TCF12: variants seen among roughly 807,000 people sequenced by gnomAD.
TCF12 encodes transcription factor 12, also known as DNA-binding protein HTF4.
A neutral mutation model predicts 86.0 loss-of-function variants in TCF12; 45 were observed. The observed-to-expected ratio is 0.52, with a 90% confidence interval of 0.41 to 0.67. The LOEUF is 0.67. Among genes scored for constraint, TCF12 ranks in the 30% least tolerant of loss-of-function variants. The pLI, the probability that TCF12 is intolerant of heterozygous loss-of-function variation, is 0.00. For missense variants in TCF12, 881 were observed against 859.9 expected (o/e 1.02, Z -0.31); for synonymous variants, 330 against 299.6 (o/e 1.10, Z -1.05).
intron 3 of TCF12, among the ~76,000 whole-genome samples, chr15:56,929,337 CTG>C (rs1247452458): frequency 1.3e-5 from 2 of 152,110 alleles, no homozygotes; most frequent in Admixed American, 6.5e-5. Context: ...AGAAAGAAAA[CTG>C]TTATTTTCAT....
chr15:57,035,867 G>A (rs1284428676), intron 3 of TCF12, among the ~76,000 whole-genome samples: 2 of 152,170 alleles, frequency 1.3e-5, no homozygotes, highest in African/African-American at 4.8e-5. Context: ...TGAGTGGCAA[G>A]CAAACAAACA....
At chr15:57,254,874 A>AAAGAAAG (rs71113092) in intron 16 of TCF12, among the ~76,000 whole-genome samples, 5 of 108,848 alleles carry the variant, frequency 4.6e-5, no homozygotes, top group Admixed American at 2.1e-4. Context: ...AAAAAAAAAA[A>AAAGAAAG]AAAGAAAGAA....
At chr15:57,098,330 G>A (rs2927189) in intron 5 of TCF12, among the ~76,000 whole-genome samples, 86,506 of 151,960 alleles carry the variant, frequency 0.57, 24,852 homozygotes, top group Admixed American at 0.61. Context: ...TTCATCTGCT[G>A]CCTTTTTCTA....
intron 5 of TCF12, among the ~76,000 whole-genome samples, chr15:57,165,769 C>T (rs1170118845): frequency 6.6e-6 from 1 of 152,072 alleles, no homozygotes; most frequent in East Asian, 1.9e-4. Flanking sequence ...ATCTCCTTAC[C>T]TCGTGATCCG....
At chr15:57,253,533 A>C in intron 16 of TCF12, 65 bp downstream of exon 16, 1 of 1,561,544 alleles carries the variant, frequency 6.4e-7, no homozygotes, top group Non-Finnish European at 8.8e-7. Context: ...GTCTTTAATG[A>C]AATCTTTGGG....
At chr15:56,957,394 T>C (rs2061545643) in intron 3 of TCF12, among the ~76,000 whole-genome samples, 1 of 152,160 alleles carries the variant, frequency 6.6e-6, no homozygotes, top group African/African-American at 2.4e-5. Flanking sequence ...CACAGCTCAC[T>C]TCATTTAAAA....
intron 3 of TCF12, among the ~76,000 whole-genome samples, chr15:57,055,109 C>T (rs1449730057): frequency 6.6e-6 from 1 of 151,472 alleles, no homozygotes; most frequent in African/African-American, 2.4e-5. Flanking sequence ...TAACATTATC[C>T]TTCAACCTGG....
At position 57,199,583 on chromosome 15, in the gene TCF12, A is replaced by T. The variant is rs139577871; in HGVS notation, c.579+1758A>T. On this transcript the variant is annotated intron_variant, in intron 8 of 20. Coordinates refer to ENST00000333725, the MANE Select transcript of TCF12 (RefSeq NM_207037.2). ...ACAGAACAGTCTGGAAGGAGAGTAG[A>T]CACTGGAGGTCACCAGCATTTCTTA... is the stretch of plus-strand genomic sequence containing the variant. Among the ~76,000 whole-genome samples, 201 of 152,298 alleles carry T rather than the reference A, an allele frequency of 1.3e-3. 1 individual carries two copies. Among genetic ancestry groups the T allele is most frequent in the African/African-American group, 4.6e-3 (193 of 41,568 alleles).
chr15:56,959,162 C>A (rs774014985), intron 3 of TCF12, among the ~76,000 whole-genome samples: 24 of 152,182 alleles, frequency 1.6e-4, no homozygotes, highest in Non-Finnish European at 3.1e-4. Context: ...CAGTGTCTGG[C>A]ACACAGTAGG....
At chr15:56,933,460 A>C in intron 3 of TCF12, among the ~76,000 whole-genome samples, 1 of 152,108 alleles carries the variant, frequency 6.6e-6, no homozygotes, top group East Asian at 1.9e-4. Flanking sequence ...AAGGTAGTGG[A>C]AAATAAAGAT....
intron 3 of TCF12, among the ~76,000 whole-genome samples, chr15:56,969,125 G>A (rs979616576): frequency 6.6e-6 from 1 of 152,210 alleles, no homozygotes; most frequent in Non-Finnish European, 1.5e-5. Flanking sequence ...TGGGCAAATT[G>A]TGAGGGAGAT....
At chr15:57,265,282 GTC>G in intron 18 of TCF12, among the ~76,000 whole-genome samples, 1 of 152,076 alleles carries the variant, frequency 6.6e-6, no homozygotes, top group East Asian at 1.9e-4. Flanking sequence ...TTCTTCCCAT[GTC>G]TCCTCATGTG....
chr15:56,920,655 C>A (rs1595681088), intron 2 of TCF12, among the ~76,000 whole-genome samples: 1 of 152,038 alleles, frequency 6.6e-6, no homozygotes, highest in East Asian at 1.9e-4. Flanking sequence ...CAGTTATAAT[C>A]CTTACTGTAT....
intron 3 of TCF12, among the ~76,000 whole-genome samples, chr15:56,963,201 A>C (rs1222792957): frequency 6.6e-6 from 1 of 152,010 alleles, no homozygotes; most frequent in Non-Finnish European, 1.5e-5. Context: ...TTGAAGACTA[A>C]TTGAGCATAC....
intron 6 of TCF12, 103 bp from the exon 7 acceptor site, chr15:57,192,055 T>G (rs1232426671): frequency 1.5e-6 from 2 of 1,358,010 alleles, no homozygotes; most frequent in East Asian, 2.3e-5. Context: ...CGTTCTAAGT[T>G]AAGACATTGC....
chr15:56,920,765 C>T (rs573714004), intron 2 of TCF12, among the ~76,000 whole-genome samples: 6 of 152,206 alleles, frequency 3.9e-5, no homozygotes, highest in African/African-American at 1.4e-4. Context: ...ATGTGTAATA[C>T]TATACTGTTT....
intron 8 of TCF12, among the ~76,000 whole-genome samples, chr15:57,203,258 CTT>C (rs1202154566): frequency 6.6e-6 from 1 of 151,600 alleles, no homozygotes; most frequent in African/African-American, 2.4e-5. Flanking sequence ...GGAGTCGACA[CTT>C]TTTTTTTCCT....
intron 3 of TCF12, among the ~76,000 whole-genome samples, chr15:57,047,448 C>T (rs965120291): frequency 6.6e-6 from 1 of 152,124 alleles, no homozygotes; most frequent in African/African-American, 2.4e-5. Context: ...ATACCTAAAA[C>T]TATTCAACAA....
chr15:57,217,801 T>A (rs1208131024), intron 8 of TCF12, among the ~76,000 whole-genome samples: 1 of 152,178 alleles, frequency 6.6e-6, no homozygotes, highest in East Asian at 1.9e-4. Context: ...AGACTAAAAT[T>A]TACTTGAATG....
Sources: gnomAD v4.1 joint callset for allele counts (sites outside exome capture counted in the v4.1 genomes callset) on GRCh38, gnomAD v4.1.1 for gene constraint, MANE v1.5 for transcripts, NCBI Gene and HGNC (gene_info 2026-07-23, HGNC 2026-07-21) for gene names.